Variants in HELZ observed in about 807,000 individuals in gnomAD.
HELZ encodes the protein helicase with zinc finger, also known as ATP-dependent RNA helicase with zinc finger domain.
A neutral mutation model predicts 218.2 loss-of-function variants in HELZ; 23 were observed. The ratio of observed to expected loss-of-function variants is 0.11; its 90% confidence interval spans 0.08 to 0.15. The LOEUF is 0.15. HELZ is among the 10% of genes least tolerant of loss of function. The pLI, the probability that HELZ is intolerant of heterozygous loss-of-function variation, is 1.00. For missense variants in HELZ, 1,813 were observed against 2,353.7 expected (o/e 0.77, Z 4.75); for synonymous variants, 814 against 829.4 (o/e 0.98, Z 0.32).
At chr17:67,114,572 T>C (rs2037375643) in intron 27 of HELZ, among the ~76,000 whole-genome samples, 169 bp from the exon 28 acceptor site, 1 of 152,212 alleles carries the variant, frequency 6.6e-6, no homozygotes, top group Admixed American at 6.5e-5. Context: ...TTACAGTTTC[T>C]CTGCAAGAAA....
intron 7 of HELZ, among the ~76,000 whole-genome samples, chr17:67,199,210 CTTT>C (rs1156398239): frequency 1.6e-5 from 2 of 122,976 alleles, no homozygotes; most frequent in African/African-American, 3.0e-5. Flanking sequence ...TTTGCCATTA[CTTT>C]TTTTTTTTTT....
At chr17:67,176,512 T>C (rs1384065490) in intron 13 of HELZ, 1 of 152,190 alleles carries the variant, frequency 6.6e-6, no homozygotes, top group Non-Finnish European at 1.5e-5. Flanking sequence ...AGGTCCTGGA[T>C]ACAAACTGCC....
intron 3 of HELZ, chr17:67,225,097 CAT>C (rs376297125): frequency 1.2e-5 from 6 of 489,162 alleles, no homozygotes; most frequent in Admixed American, 3.1e-5. Flanking sequence ...TAAAAAATTA[CAT>C]ATATATATAA....
intron 31 of HELZ, among the ~76,000 whole-genome samples, chr17:67,103,553 T>C (rs1464906130): frequency 6.6e-6 from 1 of 152,250 alleles, no homozygotes; most frequent in East Asian, 1.9e-4. Context: ...GCAAGACTTA[T>C]ACTTGGAAAA....
intron 17 of HELZ, among the ~76,000 whole-genome samples, chr17:67,156,436 G>A (rs2038844518): frequency 6.6e-6 from 1 of 152,048 alleles, no homozygotes; most frequent in Non-Finnish European, 1.5e-5. Context: ...GTATTATCCA[G>A]ATTGTTCTCT....
chr17:67,186,796 T>C (rs2039767681), intron 12 of HELZ, among the ~76,000 whole-genome samples: 1 of 152,200 alleles, frequency 6.6e-6, no homozygotes, highest in East Asian at 1.9e-4. Flanking sequence ...TACAGTTATA[T>C]TTGAGAGTAG....
Position 67,078,235 on chromosome 17 carries a change from A to AG in HELZ, c.*16dup, listed in dbSNP as rs776979531. ...ACAGAAATTAAAACATTCTCCCTTG[A>AG]GGGAAAAAAAAAGTGATTATTTAAA... is the stretch of plus-strand genomic sequence containing the variant. On this transcript the variant is annotated 3_prime_UTR_variant, in exon 33 of 33. Transcript: ENST00000358691. 2.6e-6 allele frequency: 4 copies of AG among 1,551,172 alleles called. No homozygotes were observed. Among genetic ancestry groups the AG allele is most frequent in the East Asian group, 2.4e-5 (1 of 42,104 alleles).
At chr17:67,231,306 A>AAC in intron 3 of HELZ, among the ~76,000 whole-genome samples, 1 of 152,200 alleles carries the variant, frequency 6.6e-6, no homozygotes, top group Non-Finnish European at 1.5e-5. Flanking sequence ...GAAATGTACC[A>AAC]ACAATGGCTG....
At chr17:67,191,388 A>T (rs747970734) in intron 9 of HELZ, among the ~76,000 whole-genome samples, 1 of 152,236 alleles carries the variant, frequency 6.6e-6, no homozygotes, top group Non-Finnish European at 1.5e-5. Flanking sequence ...TGATTTCTCG[A>T]CGTTTACAAC....
intron 12 of HELZ, among the ~76,000 whole-genome samples, chr17:67,187,726 T>C (rs2039794402): frequency 6.6e-6 from 1 of 152,198 alleles, no homozygotes; most frequent in Non-Finnish European, 1.5e-5. Context: ...ATATAGGCAA[T>C]AAATTGACAA....
chr17:67,083,450 GC>G (rs2036260798), intron 32 of HELZ, among the ~76,000 whole-genome samples: 1 of 151,954 alleles, frequency 6.6e-6, no homozygotes, highest in Non-Finnish European at 1.5e-5. Context: ...GACCAGCCTG[GC>G]CAACATGGTG....
rs1251138756 is a variant in HELZ, at chr17:67,078,230, C to T, written c.*22G>A. The T allele has an allele frequency of 1.9e-6, 3 of 1,538,688 alleles. No homozygotes were observed. The highest frequency in any genetic ancestry group is 2.7e-6 in the Non-Finnish European group (3 of 1,119,530). ...TACAAACAGAAATTAAAACATTCTC[C>T]CTTGAGGGAAAAAAAAAGTGATTAT... On this transcript the variant is annotated 3_prime_UTR_variant, in exon 33 of 33. Coordinates refer to ENST00000358691, the MANE Select transcript of HELZ (RefSeq NM_014877.4).
At chr17:67,160,140 C>T in intron 17 of HELZ, 121 bp downstream of exon 17, 2 of 646,412 alleles carry the variant, frequency 3.1e-6, no homozygotes, top group East Asian at 5.5e-5. Flanking sequence ...AAAGACATAA[C>T]CTCTAAATGT....
intron 31 of HELZ, among the ~76,000 whole-genome samples, chr17:67,089,694 G>GAGAGAGAGAGAGAGAGAGAC (rs776184027): frequency 0.018 from 1,781 of 99,654 alleles, 32 homozygotes; most frequent in Middle Eastern, 0.022. Context: ...GAGAGAGAGA[G>GAGAGAGAGAGAGAGAGAGAC]AGAGAGACAG....
intron 4 of HELZ, among the ~76,000 whole-genome samples, chr17:67,217,075 C>A (rs111563684): frequency 0.013 from 1,962 of 152,254 alleles, 15 homozygotes; most frequent in Non-Finnish European, 0.018. Context: ...CTCCCAAATT[C>A]CATACGTGCA....
At chr17:67,120,299 A>G in intron 27 of HELZ, 106 bp downstream of exon 27, 1 of 913,842 alleles carries the variant, frequency 1.1e-6, no homozygotes, top group Non-Finnish European at 1.7e-6. Flanking sequence ...AGAGGTCTAT[A>G]ATCCATGAAA....
chr17:67,107,392 G>A lies in HELZ; in HGVS notation c.5018C>T (p.Pro1673Leu). The change falls in exon 31 of 33, where the codon CCC becomes CTC. Residue 1673 changes from proline to leucine, a missense_variant. Coordinates refer to ENST00000358691, the MANE Select transcript of HELZ (RefSeq NM_014877.4). The stretch of plus-strand genomic sequence containing the variant: ...TCCATCAGGTGCCAGGTATTTCAAG[G>A]GAGGAGGGGCAAGGTGTTCAGATGG... ...SLPSEHLAPPPLKYLAPDGAW... is the reference protein window; with the variant it reads ...SLPSEHLAPPLLKYLAPDGAW... The A allele has an allele frequency of 6.2e-7, 1 of 1,614,204 alleles. No homozygotes were observed. Among genetic ancestry groups the A allele is most frequent in the Non-Finnish European group, 8.5e-7 (1 of 1,180,048 alleles).
At chr17:67,234,695 T>C (rs186843294) in intron 3 of HELZ, among the ~76,000 whole-genome samples, 6 of 151,752 alleles carry the variant, frequency 4.0e-5, no homozygotes, top group Non-Finnish European at 8.8e-5. Flanking sequence ...AACAAAAAGT[T>C]AAATATTAAA....
At chr17:67,197,453 CCT>C (rs770194782) in intron 7 of HELZ, among the ~76,000 whole-genome samples, 169 of 152,170 alleles carry the variant, frequency 1.1e-3, no homozygotes, top group Non-Finnish European at 2.1e-3. Context: ...CTTCTGCCCC[CCT>C]GATTTCCCTG....
Sources: allele counts gnomAD v4.1 joint callset (sites outside exome capture counted in the v4.1 genomes callset), GRCh38; gene constraint gnomAD v4.1.1; transcripts MANE v1.5; gene names NCBI Gene and HGNC (gene_info 2026-07-23, HGNC 2026-07-21).